Variants in MICAL3 observed in about 807,000 individuals in gnomAD.
MICAL3 encodes the protein [F-actin]-monooxygenase MICAL3.
MICAL3 carries 62 observed loss-of-function variants against 207.4 expected under a neutral mutation model. That is an observed-to-expected ratio of 0.30 (90% confidence interval 0.24 to 0.37). MICAL3 has a LOEUF of 0.37. MICAL3 is among the 10% of genes least tolerant of loss of function. MICAL3 has a pLI of 1.00. For missense variants in MICAL3, 2,368 were observed against 2,635.6 expected (o/e 0.90, Z 2.22); for synonymous variants, 1,077 against 1,069.3 (o/e 1.01, Z -0.14).
At chr22:17,843,825 T>C (rs1569091088) in intron 19 of MICAL3, among the ~76,000 whole-genome samples, 2 of 151,826 alleles carry the variant, frequency 1.3e-5, no homozygotes, top group South Asian at 4.1e-4. Context: ...CACAGTGCCA[T>C]GTGGTAGCAG....
chr22:17,963,638 G>A (rs757405874), intron 1 of MICAL3, among the ~76,000 whole-genome samples: 1 of 152,180 alleles, frequency 6.6e-6, no homozygotes, highest in Non-Finnish European at 1.5e-5. Context: ...CTGTGAGCCC[G>A]CACCCCATCA....
chr22:17,848,605 C>A (rs891788890), intron 19 of MICAL3, among the ~76,000 whole-genome samples: 1 of 152,192 alleles, frequency 6.6e-6, no homozygotes, highest in Non-Finnish European at 1.5e-5. Flanking sequence ...TGGCTACCAT[C>A]CTGACTTAGA....
chr22:17,875,381 C>T, intron 16 of MICAL3: 1 of 1,030,446 alleles, frequency 9.7e-7, no homozygotes, highest in Non-Finnish European at 1.4e-6. Context: ...GTACATGACA[C>T]TTGCGAAAGT....
At chr22:17,847,063 G>C (rs771596658) in intron 19 of MICAL3, among the ~76,000 whole-genome samples, 1 of 152,172 alleles carries the variant, frequency 6.6e-6, no homozygotes, top group African/African-American at 2.4e-5. Flanking sequence ...GACTCCTGGA[G>C]AGGCATCGGC....
At chr22:17,849,597 A>G (rs1194268755) in intron 19 of MICAL3, among the ~76,000 whole-genome samples, 1 of 147,488 alleles carries the variant, frequency 6.8e-6, no homozygotes, top group Non-Finnish European at 1.5e-5. Flanking sequence ...GACTTCCCAA[A>G]GTGTTGGGAT....
chr22:17,964,906 C>T (rs75255758), intron 1 of MICAL3, among the ~76,000 whole-genome samples: 2 of 152,310 alleles, frequency 1.3e-5, no homozygotes, highest in South Asian at 2.1e-4. Flanking sequence ...CACTGCTGAC[C>T]GTAAGCGCAC....
intron 1 of MICAL3, among the ~76,000 whole-genome samples, chr22:17,988,119 G>A (rs906106037): frequency 9.9e-5 from 15 of 152,132 alleles, no homozygotes; most frequent in Admixed American, 9.8e-4. Context: ...AAGTCTGCGA[G>A]CATCCGATAT....
chr22:17,918,750 C>T (rs1932699044), intron 1 of MICAL3, among the ~76,000 whole-genome samples: 1 of 152,180 alleles, frequency 6.6e-6, no homozygotes, highest in South Asian at 2.1e-4. Flanking sequence ...ACCAGACACC[C>T]TCTCACCTCA....
intron 18 of MICAL3, 148 bp downstream of exon 18, chr22:17,865,776 C>A (rs1236624563): frequency 4.4e-6 from 3 of 676,770 alleles, no homozygotes; most frequent in East Asian, 2.7e-5. Flanking sequence ...TCCCTCTCCA[C>A]CCCGGACTGC....
chr22:17,818,528 T>G lies in MICAL3; in HGVS notation c.4133A>C (p.His1378Pro), dbSNP rs774523937. The stretch of plus-strand genomic sequence containing the variant: ...GGGGATGGACAGAGGCTTGAGAAGG[T>G]GGAGTCCCTCATCCTGGGGGGACTT... ...VEKSPQDEGL[H>P]LLKPLSIPKR... Residue 1378 changes from histidine to proline, a missense_variant, in exon 26 of 32, where the codon CAC (histidine) becomes CCC (proline). His to Pro is a moderately conservative substitution (Grantham distance 77). Around this residue, in one of 4 missense-constraint regions of MICAL3, gnomAD observed 1,770 missense variants for 1,863.2 expected, o/e 0.95. Coordinates refer to ENST00000441493, the MANE Select transcript of MICAL3 (RefSeq NM_015241.3). 1 of 1,613,196 alleles carries G rather than the reference T, an allele frequency of 6.2e-7. No individual in the cohort carries two copies. The highest frequency in any genetic ancestry group is 8.5e-7 in the Non-Finnish European group (1 of 1,179,832).
chr22:17,976,582 TATA>T lies in MICAL3; in HGVS notation c.-75+47696_-75+47698del, dbSNP rs1209454006. Among the ~76,000 whole-genome samples the T allele has an allele frequency of 4.9e-3, 473 of 96,796 alleles. 9 individuals carry two copies. The highest frequency in any genetic ancestry group is 0.018 in the African/African-American group (359 of 20,382). 63.5% of individuals were successfully genotyped at this position (96,796 alleles called of 152,430 possible). Reference sequence around the variant, plus strand: ...GTGTGTATATATATATATATATATATATATATATTTTTTTTTTTTTTTTTTGAG... The same window carrying T: ...GTGTGTATATATATATATATATATATTATATTTTTTTTTTTTTTTTTTGAG... On this transcript the variant is annotated intron_variant, in intron 1 of 31. Coordinates refer to ENST00000441493, the MANE Select transcript of MICAL3 (RefSeq NM_015241.3).
Position 17,818,197 on chromosome 22 carries a change from C to A in MICAL3, c.4464G>T (p.Pro1488=). 2 of 1,534,652 alleles carry A rather than the reference C, an allele frequency of 1.3e-6. No individual in the cohort carries two copies. Among genetic ancestry groups the A allele is most frequent in the Non-Finnish European group, 8.7e-7 (1 of 1,144,570 alleles). Residue 1488 remains proline (P), a synonymous_variant, in exon 26 of 32, where the codon CCG becomes CCT. Transcript: ENST00000441493. ...EAEPNASVVP[P]PLPATWMRPP... ...GCCGCATCCAGGTGGCGGGCAAGGG[C>A]GGCGGGACCACCGAGGCATTGGGCT... is the stretch of plus-strand genomic sequence containing the variant.
rs200224924 is a variant in MICAL3, at chr22:17,821,482, C to G, written c.3476G>C (p.Arg1159Pro). Residue 1159 changes from arginine (R) to proline (P), a missense_variant, in exon 25 of 32, where the codon CGG becomes CCG. Around this residue, in one of 4 missense-constraint regions of MICAL3, gnomAD observed 1,770 missense variants for 1,863.2 expected, o/e 0.95. Transcript: ENST00000441493. ...CAGAAGAGCTGATTCCTGGGGAGAC[C>G]GGATGGGGCTGGTGGCTTGGGAGGG... ...RGPSQATSPI[R>P]SPQESALLFI... 5.8e-6 allele frequency: 9 copies of G among 1,541,774 alleles called. No individual in the cohort carries two copies. The South Asian group carries it at 1.1e-4, about 19-fold the overall frequency.
chr22:17,891,384 T>TAG (rs1930384539), intron 12 of MICAL3, 101 bp downstream of exon 12: 1 of 1,026,890 alleles, frequency 9.7e-7, no homozygotes, highest in Non-Finnish European at 1.5e-6. Flanking sequence ...TATCTTACTA[T>TAG]GTACCTCATT....
intron 1 of MICAL3, among the ~76,000 whole-genome samples, chr22:17,928,987 G>A (rs183265032): frequency 1.7e-3 from 258 of 151,616 alleles, no homozygotes; most frequent in Middle Eastern, 6.9e-3. Context: ...TAGAGATGGG[G>A]TTTCACTGTG....
chr22:18,016,804 G>A (rs1924083193), intron 1 of MICAL3, among the ~76,000 whole-genome samples: 1 of 152,016 alleles, frequency 6.6e-6, no homozygotes. Context: ...GCCGGGGGTG[G>A]TGGTGGGCGC....
At chr22:17,958,181 C>T (rs1182821581) in intron 1 of MICAL3, among the ~76,000 whole-genome samples, 1 of 152,166 alleles carries the variant, frequency 6.6e-6, no homozygotes, top group Non-Finnish European at 1.5e-5. Context: ...TTATCTTCTA[C>T]TACCTCCTGC....
chr22:17,996,513 T>A (rs1922294820), intron 1 of MICAL3, among the ~76,000 whole-genome samples: 1 of 151,938 alleles, frequency 6.6e-6, no homozygotes, highest in African/African-American at 2.4e-5. Context: ...TCTTCCCAGT[T>A]TTTTTGTGTC....
At chr22:17,803,284 T>C (rs1242965758) in intron 29 of MICAL3, among the ~76,000 whole-genome samples, 1 of 152,192 alleles carries the variant, frequency 6.6e-6, no homozygotes, top group African/African-American at 2.4e-5. Flanking sequence ...CCCGTCAACC[T>C]GGCTTTGAGT....
Sources: allele counts gnomAD v4.1 joint callset (sites outside exome capture counted in the v4.1 genomes callset), GRCh38; gene constraint gnomAD v4.1.1; regional missense constraint gnomAD v4.1.1; transcripts MANE v1.5; gene names NCBI Gene and HGNC (gene_info 2026-07-23, HGNC 2026-07-21).